Variants in TXN2 observed in about 807,000 individuals in gnomAD.
The protein encoded by TXN2 is thioredoxin, mitochondrial.
In TXN2, 12 loss-of-function variants were observed where a neutral mutation model predicts 14.6. That is an observed-to-expected ratio of 0.82 (90% confidence interval 0.53 to 1.33). The LOEUF is 1.33. Ranked by LOEUF, TXN2 falls within the 40% of genes most tolerant of loss-of-function variation. The probability of loss-of-function intolerance (pLI) is 0.00; values close to 1 mark genes in which losing one functional copy is unlikely to be tolerated. For synonymous variants in TXN2, 89 were observed against 81.0 expected (o/e 1.10, Z -0.53); for missense variants, 173 against 207.7 (o/e 0.83, Z 1.03).
At chr22:36,471,150 G>A (rs967897683) in intron 3 of TXN2, among the ~76,000 whole-genome samples, 8 of 152,154 alleles carry the variant, frequency 5.3e-5, no homozygotes, top group Admixed American at 4.6e-4. Context: ...AAGTGCACAG[G>A]GCCTTGGCAC....
chr22:36,475,573 G>A (rs1326955706), intron 3 of TXN2, among the ~76,000 whole-genome samples: 1 of 152,160 alleles, frequency 6.6e-6, no homozygotes, highest in Admixed American at 6.5e-5. Flanking sequence ...TAGTGTCTAT[G>A]GCTGCTTTCG....
chr22:36,480,917 G>T (rs1329682310), intron 1 of TXN2, 80 bp from the exon 2 acceptor site: 7 of 1,440,772 alleles, frequency 4.9e-6, no homozygotes, highest in Non-Finnish European at 6.4e-6. Flanking sequence ...GAGTACTCAG[G>T]GCTCAGGAAG....
chr22:36,467,446 G>C lies in TXN2; in HGVS notation c.*358C>G, dbSNP rs954694598. 4 of 216,942 alleles carry C rather than the reference G, an allele frequency of 1.8e-5. No homozygotes were observed. The highest frequency in any genetic ancestry group is 3.7e-5 in the Non-Finnish European group (4 of 108,696). The allele number at this position is 216,942 out of a possible 1,614,324, so 13.4% of individuals were successfully genotyped here. On this transcript the variant is annotated 3_prime_UTR_variant, in exon 4 of 4. Coordinates refer to ENST00000216185, the MANE Select transcript of TXN2 (RefSeq NM_012473.4). ...TAGGTGGCAGACGAGCCAGGCACGA[G>C]GTTTCAGATTGGAAGGGACCAAGAT...
At chr22:36,475,302 C>G (rs539088754) in intron 3 of TXN2, among the ~76,000 whole-genome samples, 1 of 152,302 alleles carries the variant, frequency 6.6e-6, no homozygotes, top group African/African-American at 2.4e-5. Context: ...TGCTTGAACC[C>G]GGGAGGCAGA....
In TXN2 at chr22:36,467,794, T is replaced by C. The variant is rs1284104314; in HGVS notation, c.*10A>G. Reference sequence around the variant, plus strand: ...ACGCGGGCAAGGGAACCAGGACTCATCCCTGCTTGTCAGCCAATCAGCTTC... The same window carrying C: ...ACGCGGGCAAGGGAACCAGGACTCACCCCTGCTTGTCAGCCAATCAGCTTC... On this transcript the variant is annotated 3_prime_UTR_variant, in exon 4 of 4. Coordinates refer to ENST00000216185, the MANE Select transcript of TXN2 (RefSeq NM_012473.4). 3.7e-6 allele frequency: 6 copies of C among 1,610,522 alleles called. No individual in the cohort carries two copies. In the Admixed American group the frequency reaches 1.0e-4, roughly 27 times the overall value.
intron 3 of TXN2, among the ~76,000 whole-genome samples, chr22:36,472,300 C>T (rs1380399330): frequency 1.3e-5 from 2 of 152,072 alleles, no homozygotes; most frequent in Non-Finnish European, 2.9e-5. Context: ...GAGAGATGAA[C>T]AGGCAGAGGA....
chr22:36,480,710 G>A lies in TXN2; in HGVS notation c.128C>T (p.Thr43Ile). Reference protein sequence around the residue: ...QTPQCSPGGLTVTPNPARTIY... With the variant: ...QTPQCSPGGLIVTPNPARTIY... ...TGTCCGGGCTGGGTTGGGTGTTACA[G>A]TCAGGCCACCAGGACTGCATTGTGG... The change falls in exon 2 of 4, where the codon ACT (threonine) becomes ATT (isoleucine). Residue 43 changes from threonine to isoleucine, a missense_variant. By Grantham distance (89) the Thr-to-Ile change is moderately conservative. Transcript: ENST00000216185. 1 of 1,614,140 alleles carries A rather than the reference G, an allele frequency of 6.2e-7. No individual in the cohort carries two copies. Among genetic ancestry groups the A allele is most frequent in the South Asian group, 1.1e-5 (1 of 91,078 alleles).
At position 36,481,608 on chromosome 22, in the gene TXN2, G is replaced by A. The variant is rs1215372740; in HGVS notation, c.-45C>T. Reference sequence around the variant, plus strand: ...AGGGATGCACAGCCTAGCCCTCCCTGCCTGTCAAGGGCACGCCTGTCGTCA... The same window carrying A: ...AGGGATGCACAGCCTAGCCCTCCCTACCTGTCAAGGGCACGCCTGTCGTCA... On this transcript the variant is annotated 5_prime_UTR_variant, in exon 1 of 4. Transcript: ENST00000216185. 4 of 997,062 alleles carry A rather than the reference G, an allele frequency of 4.0e-6. No homozygotes were observed. The highest frequency in any genetic ancestry group is 4.7e-5 in the South Asian group (1 of 21,234). 61.8% of individuals were successfully genotyped at this position (997,062 alleles called of 1,614,324 possible).
At chr22:36,473,639 G>A (rs1261216802) in intron 3 of TXN2, among the ~76,000 whole-genome samples, 2 of 152,174 alleles carry the variant, frequency 1.3e-5, no homozygotes, top group Non-Finnish European at 2.9e-5. Flanking sequence ...TGTCAGACCA[G>A]GGTTTGGCTA....
At chr22:36,471,780 C>T (rs1466433147) in intron 3 of TXN2, among the ~76,000 whole-genome samples, 24 of 151,922 alleles carry the variant, frequency 1.6e-4, no homozygotes, top group Admixed American at 1.4e-3. Flanking sequence ...ACAAGGCCGG[C>T]CAATGTGGTG....
At chr22:36,471,510 A>G (rs1933273802) in intron 3 of TXN2, among the ~76,000 whole-genome samples, 1 of 152,174 alleles carries the variant, frequency 6.6e-6, no homozygotes, top group Non-Finnish European at 1.5e-5. Context: ...TCCTCGGCTC[A>G]TTGCAGAGTT....
chr22:36,480,021 T>C (rs1330340550), intron 2 of TXN2, among the ~76,000 whole-genome samples: 1 of 151,996 alleles, frequency 6.6e-6, no homozygotes, highest in Admixed American at 6.6e-5. Flanking sequence ...GTAGCTGGGA[T>C]TACAGGCACA....
intron 2 of TXN2, among the ~76,000 whole-genome samples, chr22:36,478,631 G>A (rs1471197756): frequency 1.3e-5 from 2 of 152,046 alleles, no homozygotes; most frequent in Non-Finnish European, 2.9e-5. Flanking sequence ...CAGGTGTGGT[G>A]GTGCACACCG....
At chr22:36,480,143 A>G (rs1021743995) in intron 2 of TXN2, among the ~76,000 whole-genome samples, 4 of 152,162 alleles carry the variant, frequency 2.6e-5, no homozygotes, top group Non-Finnish European at 5.9e-5. Flanking sequence ...TTGGCCTCCC[A>G]AAGTGCTGGG....
intron 2 of TXN2, among the ~76,000 whole-genome samples, chr22:36,477,412 G>T (rs1446108727): frequency 6.6e-6 from 1 of 152,212 alleles, no homozygotes; most frequent in Admixed American, 6.5e-5. Context: ...GTTTCACCGT[G>T]TTAGCCAGGA....
intron 2 of TXN2, among the ~76,000 whole-genome samples, 196 bp from the exon 3 acceptor site, chr22:36,477,052 A>G (rs1348229773): frequency 1.3e-5 from 2 of 152,236 alleles, no homozygotes; most frequent in African/African-American, 4.8e-5. Flanking sequence ...CCAGACTTTT[A>G]AAACACAGGC....
intron 3 of TXN2, 141 bp downstream of exon 3, chr22:36,476,591 CA>C (rs879161371): frequency 0.049 from 43,065 of 877,756 alleles, no homozygotes; most frequent in South Asian, 0.078. Flanking sequence ...GATTCCGTCT[CA>C]AAAAAAAAAA....
At chr22:36,473,744 G>A (rs916025891) in intron 3 of TXN2, among the ~76,000 whole-genome samples, 5 of 152,278 alleles carry the variant, frequency 3.3e-5, no homozygotes, top group Middle Eastern at 3.4e-3. Context: ...GGGCGGGAGC[G>A]GTGGGTGTGG....
chr22:36,470,510 T>G (rs1232174651), intron 3 of TXN2, among the ~76,000 whole-genome samples: 2 of 152,226 alleles, frequency 1.3e-5, no homozygotes, highest in African/African-American at 2.4e-5. Flanking sequence ...GGCTCCCACC[T>G]GCACACTGTC....
Sources: allele counts gnomAD v4.1 joint callset (sites outside exome capture counted in the v4.1 genomes callset), GRCh38; gene constraint gnomAD v4.1.1; transcripts MANE v1.5; gene names NCBI Gene and HGNC (gene_info 2026-07-23, HGNC 2026-07-21).